TRPC6: variants seen among roughly 807,000 people sequenced by gnomAD.
TRPC6 encodes transient receptor potential cation channel subfamily C member 6, also known as short transient receptor potential channel 6.
TRPC6 carries 55 observed loss-of-function variants against 90.7 expected under a neutral mutation model. The observed-to-expected ratio is 0.61, with a 90% CI of 0.49 to 0.76. TRPC6 has a LOEUF of 0.76. TRPC6 is among the 30% of genes least tolerant of loss of function. TRPC6 has a pLI of 0.00. For synonymous variants in TRPC6, 393 were observed against 393.0 expected, an observed-to-expected ratio of 1.00 and a Z score of 0.00; for missense variants, 989 against 1,122.7, an observed-to-expected ratio of 0.88 and a Z score of 1.70.
At chr11:101,482,797 A>G in intron 5 of TRPC6, 152 bp downstream of exon 5, 1 of 825,972 alleles carries the variant, frequency 1.2e-6, no homozygotes, top group South Asian at 1.5e-5. Context: ...ACCCAAGGCA[A>G]CTGTACTTTA....
chr11:101,481,114 C>T (rs1201930079), intron 5 of TRPC6, among the ~76,000 whole-genome samples: 3 of 152,020 alleles, frequency 2.0e-5, no homozygotes, highest in Non-Finnish European at 4.4e-5. Flanking sequence ...TTGAAAAATG[C>T]GTCTTAATAT....
Position 101,578,015 on chromosome 11 carries a change from G to T in TRPC6, c.170+5319C>A, listed in dbSNP as rs1038876645. On this transcript the variant is annotated intron_variant, in intron 1 of 12. Coordinates refer to ENST00000344327, the MANE Select transcript of TRPC6 (RefSeq NM_004621.6). ...AGATGCTATTTCATTAAAGTAGCTG[G>T]CATCATTTTATTCCTTATTTGAATA... is the stretch of plus-strand genomic sequence containing the variant. Among the ~76,000 whole-genome samples, 20 of 152,080 alleles carry T rather than the reference G, an allele frequency of 1.3e-4. 1 individual carries two copies. Among genetic ancestry groups the T allele is most frequent in the Non-Finnish European group, 2.6e-4 (18 of 68,028 alleles).
Position 101,580,100 on chromosome 11 carries a change from C to T in TRPC6, c.170+3234G>A, listed in dbSNP as rs76184238. On this transcript the variant is annotated intron_variant, in intron 1 of 12. Transcript: ENST00000344327. ...CAGATTGTCTCAGTCAGCTGAATTG[C>T]CAGTGCTTTAGTTTACAGTTTACTG... Among the ~76,000 whole-genome samples the T allele has an allele frequency of 7.4e-3, 1,121 of 152,154 alleles. 16 individuals carry two copies. Among genetic ancestry groups the T allele is most frequent in the African/African-American group, 0.025 (1,032 of 41,508 alleles).
At position 101,583,327 on chromosome 11, in the gene TRPC6, C is replaced by T. The variant is rs777803031; in HGVS notation, c.170+7G>A. The T allele has an allele frequency of 6.3e-7, 1 of 1,579,124 alleles. No homozygotes were observed. The highest frequency in any genetic ancestry group is 2.3e-5 in the East Asian group (1 of 42,824). ...CGCCCGATCCGCCCCGCGTCGCCGG[C>T]ACTCACAAGCAGGGGTAGTAGCCGT... On this transcript the variant is annotated splice_region_variant and intron_variant, in intron 1 of 12. Transcript: ENST00000344327.
chr11:101,480,432 C>A (rs1859525036), intron 5 of TRPC6, among the ~76,000 whole-genome samples: 1 of 152,016 alleles, frequency 6.6e-6, no homozygotes, highest in Non-Finnish European at 1.5e-5. Flanking sequence ...GCAGTAATCA[C>A]CAAGTGGGTT....
chr11:101,454,338 G>C (rs958188530), intron 11 of TRPC6, among the ~76,000 whole-genome samples: 15 of 151,962 alleles, frequency 9.9e-5, no homozygotes, highest in Non-Finnish European at 2.1e-4. Context: ...AAGGTTAAAT[G>C]GTAGATAGTA....
chr11:101,493,657 G>T (rs940598927), intron 2 of TRPC6, among the ~76,000 whole-genome samples: 1 of 152,128 alleles, frequency 6.6e-6, no homozygotes, highest in South Asian at 2.1e-4. Flanking sequence ...AAAAACTAAG[G>T]TTCTCACACA....
intron 1 of TRPC6, among the ~76,000 whole-genome samples, chr11:101,541,721 G>C (rs1861178430): frequency 6.6e-6 from 1 of 152,158 alleles, no homozygotes; most frequent in Non-Finnish European, 1.5e-5. Flanking sequence ...TATCAGGCTG[G>C]AGGATGCCTT....
At chr11:101,461,264 C>A (rs1335945095) in intron 10 of TRPC6, among the ~76,000 whole-genome samples, 1 of 152,038 alleles carries the variant, frequency 6.6e-6, no homozygotes, top group Non-Finnish European at 1.5e-5. Flanking sequence ...AATGTCCTAG[C>A]AAATTATAAA....
In TRPC6 at chr11:101,491,700, A is replaced by G. The variant is rs1180247891; in HGVS notation, c.984T>C (p.Phe328=). Reference sequence around the variant, plus strand: ...TGCACAGATCAAGGAGTCCAACAACAAAGTCTTTGCACTGCATTGACAGTT... The same window carrying G: ...TGCACAGATCAAGGAGTCCAACAACGAAGTCTTTGCACTGCATTGACAGTT... ...YKKLSMQCKD[F]VVGLLDLCRN... is the part of the protein sequence containing the mutation. Residue 328 remains phenylalanine (F), a synonymous_variant, in exon 3 of 13, where the codon TTT becomes TTC. Transcript: ENST00000344327. 1.2e-6 allele frequency: 2 copies of G among 1,613,906 alleles called. No individual in the cohort carries two copies. The highest frequency in any genetic ancestry group is 1.3e-5 in the African/African-American group (1 of 74,920).
chr11:101,453,551 C>T (rs997050383), intron 12 of TRPC6, 99 bp downstream of exon 12: 21 of 1,162,862 alleles, frequency 1.8e-5, no homozygotes, highest in Non-Finnish European at 2.7e-5. Context: ...TTGAAGTTCA[C>T]TCTCCCTGTA....
At chr11:101,505,746 G>A (rs1166990396) in intron 1 of TRPC6, among the ~76,000 whole-genome samples, 2 of 152,154 alleles carry the variant, frequency 1.3e-5, no homozygotes, top group African/African-American at 2.4e-5. Flanking sequence ...CGGGTGCTAT[G>A]GCTCACGCCT....
chr11:101,484,593 CTATGTGTGTGTGTG>C (rs1859630740), intron 4 of TRPC6, among the ~76,000 whole-genome samples: 1 of 87,286 alleles, frequency 1.1e-5, no homozygotes, highest in Middle Eastern at 6.4e-3. Context: ...CTCTCTCATG[CTATGTGTGTGTGTG>C]TGTGTGTGTG....
intron 1 of TRPC6, among the ~76,000 whole-genome samples, chr11:101,557,656 ATACAG>A (rs1329414306): frequency 1.3e-5 from 2 of 152,252 alleles, no homozygotes; most frequent in African/African-American, 2.4e-5. Context: ...TAACAAATGA[ATACAG>A]TAAAGTTGCA....
At chr11:101,573,709 T>C (rs1197779421) in intron 1 of TRPC6, among the ~76,000 whole-genome samples, 2 of 152,182 alleles carry the variant, frequency 1.3e-5, no homozygotes, top group African/African-American at 4.8e-5. Context: ...TTCTCCCATT[T>C]TAACTTTTCT....
chr11:101,581,955 C>T (rs1307900494), intron 1 of TRPC6, among the ~76,000 whole-genome samples: 2 of 152,170 alleles, frequency 1.3e-5, no homozygotes, highest in African/African-American at 4.8e-5. Flanking sequence ...TAATTTAACA[C>T]ATCAAGTGTA....
chr11:101,490,572 C>A (rs1859781260), intron 3 of TRPC6, among the ~76,000 whole-genome samples: 1 of 152,132 alleles, frequency 6.6e-6, no homozygotes, highest in South Asian at 2.1e-4. Flanking sequence ...CCTCCCACTG[C>A]AGTCTCCCAA....
At chr11:101,539,313 C>T (rs532683413) in intron 1 of TRPC6, among the ~76,000 whole-genome samples, 1 of 152,292 alleles carries the variant, frequency 6.6e-6, no homozygotes, top group African/African-American at 2.4e-5. Flanking sequence ...AAGCCTTGTG[C>T]ACTTTGCTAT....
chr11:101,558,775 T>C (rs946904619), intron 1 of TRPC6, among the ~76,000 whole-genome samples: 2 of 152,096 alleles, frequency 1.3e-5, no homozygotes, highest in Admixed American at 1.3e-4. Context: ...ATCAAAAGGA[T>C]AGTCTCTTCG....
Sources: allele counts gnomAD v4.1 joint callset (sites outside exome capture counted in the v4.1 genomes callset), GRCh38; gene constraint gnomAD v4.1.1; transcripts MANE v1.5; gene names NCBI Gene and HGNC (gene_info 2026-07-23, HGNC 2026-07-21).